ADGRB3: variants seen among roughly 807,000 people sequenced by gnomAD.
ADGRB3 encodes adhesion G protein-coupled receptor B3.
A neutral mutation model predicts 193.4 loss-of-function variants in ADGRB3; 37 were observed. That is an observed-to-expected ratio of 0.19 (90% CI 0.15 to 0.25). ADGRB3 has a LOEUF of 0.25. Among genes scored for constraint, ADGRB3 ranks in the 10% least tolerant of loss-of-function variants. The pLI, the probability that ADGRB3 is intolerant of heterozygous loss-of-function variation, is 1.00. For missense variants in ADGRB3, 1,637 were observed against 1,852.9 expected, an observed-to-expected ratio of 0.88 and a Z score of 2.14; for synonymous variants, 690 against 644.2, an observed-to-expected ratio of 1.07 and a Z score of -1.08.
chr6:68,778,559 A>G (rs1057062219), intron 3 of ADGRB3, among the ~76,000 whole-genome samples: 1 of 152,148 alleles, frequency 6.6e-6, no homozygotes, highest in African/African-American at 2.4e-5. Flanking sequence ...AGTGTCATGT[A>G]GCACAGACTT....
intron 3 of ADGRB3, among the ~76,000 whole-genome samples, chr6:68,766,742 C>T (rs1766514271): frequency 6.6e-6 from 1 of 151,902 alleles, no homozygotes; most frequent in South Asian, 2.1e-4. Flanking sequence ...ATTTACTAGT[C>T]AAACTTGAAT....
chr6:69,118,106 C>G (rs1013942891), intron 17 of ADGRB3, among the ~76,000 whole-genome samples: 1 of 152,128 alleles, frequency 6.6e-6, no homozygotes, highest in Non-Finnish European at 1.5e-5. Flanking sequence ...AGGTATGGCC[C>G]TATTATCAAT....
At chr6:69,202,345 G>A (rs1368999569) in intron 17 of ADGRB3, among the ~76,000 whole-genome samples, 1 of 152,086 alleles carries the variant, frequency 6.6e-6, no homozygotes, top group African/African-American at 2.4e-5. Flanking sequence ...ATATGCTGAA[G>A]TGGATCCTGA....
At chr6:68,740,062 GAC>G (rs1279392690) in intron 3 of ADGRB3, among the ~76,000 whole-genome samples, 1 of 152,006 alleles carries the variant, frequency 6.6e-6, no homozygotes, top group African/African-American at 2.4e-5. Context: ...AAAACTCTCT[GAC>G]ACTCTATTTT....
intron 17 of ADGRB3, among the ~76,000 whole-genome samples, chr6:69,127,689 CA>C (rs920309701): frequency 6.6e-6 from 1 of 152,078 alleles, no homozygotes; most frequent in African/African-American, 2.4e-5. Context: ...TTTTGCACCA[CA>C]AAAATCCAGG....
intron 13 of ADGRB3, among the ~76,000 whole-genome samples, chr6:69,025,070 C>T (rs1411234146): frequency 2.8e-5 from 4 of 144,046 alleles, no homozygotes; most frequent in Admixed American, 7.2e-5. Context: ...CCAGCCTGGG[C>T]GACAGAGCGA....
chr6:69,300,009 A>C (rs2127296174), intron 20 of ADGRB3, among the ~76,000 whole-genome samples: 1 of 151,874 alleles, frequency 6.6e-6, no homozygotes, highest in East Asian at 1.9e-4. Flanking sequence ...AAAGTAGAGA[A>C]AGACTACAAA....
chr6:68,845,231 T>C (rs1017084856), intron 3 of ADGRB3, among the ~76,000 whole-genome samples: 1 of 152,106 alleles, frequency 6.6e-6, no homozygotes, highest in Non-Finnish European at 1.5e-5. Flanking sequence ...CATAAATATA[T>C]AGATCTATTA....
At chr6:68,914,815 T>A (rs1766831063) in intron 3 of ADGRB3, among the ~76,000 whole-genome samples, 1 of 152,240 alleles carries the variant, frequency 6.6e-6, no homozygotes, top group African/African-American at 2.4e-5. Flanking sequence ...CTACCTCATG[T>A]TAATGACTCC....
intron 3 of ADGRB3, among the ~76,000 whole-genome samples, chr6:68,807,042 C>G (rs1273697190): frequency 1.3e-5 from 2 of 152,028 alleles, no homozygotes. Context: ...TGTAACACAA[C>G]TTAACTTTTA....
intron 3 of ADGRB3, among the ~76,000 whole-genome samples, chr6:68,787,048 T>A (rs982417485): frequency 1.3e-5 from 2 of 152,182 alleles, no homozygotes; most frequent in Admixed American, 1.3e-4. Flanking sequence ...TTGAGGAGAT[T>A]TTGGGCTGAG....
At position 69,382,876 on chromosome 6, in the gene ADGRB3, C is replaced by G; in HGVS notation, c.4321C>G (p.Leu1441Val). 6.2e-7 allele frequency: 1 copy of G among 1,609,112 alleles called. No homozygotes were observed. The highest frequency in any genetic ancestry group is 8.5e-7 in the Non-Finnish European group (1 of 1,177,390). Reference protein sequence around the residue: ...RKRHMELFQELNQKFQTLDRF... With the variant: ...RKRHMELFQEVNQKFQTLDRF... ...GAGGCATATGGAACTATTTCAAGAA[C>G]TAAATCAGAAATTTCAAACTTTGGA... is the stretch of plus-strand genomic sequence containing the variant. The change falls in exon 31 of 32, where the codon CTA becomes GTA. Residue 1441 changes from leucine (L) to valine (V), a missense_variant. Around this residue, in one of 7 missense-constraint regions of ADGRB3, gnomAD observed 368 missense variants for 367.4 expected, o/e 1.00. Coordinates refer to ENST00000370598, the MANE Select transcript of ADGRB3 (RefSeq NM_001704.3).
intron 17 of ADGRB3, among the ~76,000 whole-genome samples, chr6:69,160,364 C>T (rs1231120406): frequency 6.6e-6 from 1 of 152,072 alleles, no homozygotes; most frequent in East Asian, 1.9e-4. Context: ...TCAAGCCACA[C>T]ATGTCTCTTG....
At chr6:69,375,562 T>C (rs1769798329) in intron 30 of ADGRB3, among the ~76,000 whole-genome samples, 1 of 151,986 alleles carries the variant, frequency 6.6e-6, no homozygotes, top group Non-Finnish European at 1.5e-5. Flanking sequence ...TCAGGGTGAG[T>C]TCCATTTTAA....
intron 3 of ADGRB3, among the ~76,000 whole-genome samples, chr6:68,889,253 A>C (rs2150228328): frequency 6.6e-6 from 1 of 152,306 alleles, no homozygotes; most frequent in East Asian, 1.9e-4. Context: ...GACTTCATTT[A>C]ATTCAGCATT....
At chr6:69,166,175 C>G (rs564915465) in intron 17 of ADGRB3, among the ~76,000 whole-genome samples, 122 of 152,148 alleles carry the variant, frequency 8.0e-4, no homozygotes, top group Non-Finnish European at 1.5e-3. Flanking sequence ...GGGCAGCTTT[C>G]TATGCAATCT....
At chr6:69,263,661 G>T (rs1766974794) in intron 20 of ADGRB3, among the ~76,000 whole-genome samples, 1 of 152,006 alleles carries the variant, frequency 6.6e-6, no homozygotes, top group African/African-American at 2.4e-5. Context: ...ATGTGGGAGG[G>T]TCAGTGTTTG....
intron 20 of ADGRB3, among the ~76,000 whole-genome samples, chr6:69,254,234 C>A (rs183836106): frequency 8.5e-5 from 13 of 152,204 alleles, no homozygotes; most frequent in Admixed American, 7.9e-4. Context: ...CTGTATTTAG[C>A]CCCTTTTAAA....
intron 3 of ADGRB3, among the ~76,000 whole-genome samples, chr6:68,750,565 T>A (rs1377053833): frequency 6.6e-6 from 1 of 152,236 alleles, no homozygotes; most frequent in African/African-American, 2.4e-5. Context: ...ATTTTATTTT[T>A]GCCTACAACT....
Sources: gnomAD v4.1 joint callset for allele counts (sites outside exome capture counted in the v4.1 genomes callset) on GRCh38, gnomAD v4.1.1 for gene constraint, gnomAD v4.1.1 regional missense constraint, MANE v1.5 for transcripts, NCBI Gene and HGNC (gene_info 2026-07-23, HGNC 2026-07-21) for gene names.